BRINP1: variants seen among roughly 807,000 people sequenced by gnomAD.
BRINP1 encodes the protein BMP/retinoic acid inducible neural specific 1.
Under a neutral mutation model 72.9 loss-of-function variants are expected in BRINP1, and 17 were observed. That is an observed-to-expected ratio of 0.23 (90% CI 0.16 to 0.35). The LOEUF (loss-of-function observed/expected upper bound fraction) is 0.35, where lower values mean the gene tolerates loss of function less well. Ranked by LOEUF, BRINP1 falls within the 10% of genes least tolerant of loss-of-function variation. The pLI, the probability that BRINP1 is intolerant of heterozygous loss-of-function variation, is 1.00. For synonymous variants in BRINP1, 418 were observed against 378.5 expected (o/e 1.10, Z -1.21); for missense variants, 850 against 1,001.6 (o/e 0.85, Z 2.04).
chr9:119,262,849 G>C (rs1331374551), intron 2 of BRINP1, among the ~76,000 whole-genome samples: 1 of 152,040 alleles, frequency 6.6e-6, no homozygotes, highest in Non-Finnish European at 1.5e-5. Flanking sequence ...CTTTTACTTA[G>C]ACTTGAAACA....
At chr9:119,302,383 T>C (rs1333655463) in intron 2 of BRINP1, among the ~76,000 whole-genome samples, 6 of 152,196 alleles carry the variant, frequency 3.9e-5, no homozygotes, top group African/African-American at 1.2e-4. Flanking sequence ...TAGATTTTCA[T>C]GTATTGTTTT....
chr9:119,319,803 G>T (rs1831165625), intron 1 of BRINP1, among the ~76,000 whole-genome samples: 1 of 152,162 alleles, frequency 6.6e-6, no homozygotes, highest in Non-Finnish European at 1.5e-5. Flanking sequence ...TCAGACTTGG[G>T]ATTCTAACCT....
At chr9:119,326,137 G>A (rs895237277) in intron 1 of BRINP1, among the ~76,000 whole-genome samples, 1 of 152,088 alleles carries the variant, frequency 6.6e-6, no homozygotes, top group Non-Finnish European at 1.5e-5. Context: ...TTTGATTTTT[G>A]CAGATGATAA....
At chr9:119,280,839 A>G (rs1225924198) in intron 2 of BRINP1, among the ~76,000 whole-genome samples, 1 of 152,218 alleles carries the variant, frequency 6.6e-6, no homozygotes, top group Non-Finnish European at 1.5e-5. Flanking sequence ...ACAGCAAGTG[A>G]GATTTATTTA....
chr9:119,333,017 G>A (rs964975962), intron 1 of BRINP1, among the ~76,000 whole-genome samples: 1 of 152,062 alleles, frequency 6.6e-6, no homozygotes, highest in African/African-American at 2.4e-5. Flanking sequence ...AATAGTAAGA[G>A]CCAAAGTTGG....
chr9:119,251,950 C>G (rs1452181548), intron 2 of BRINP1, among the ~76,000 whole-genome samples: 1 of 152,146 alleles, frequency 6.6e-6, no homozygotes, highest in African/African-American at 2.4e-5. Context: ...TGTTCTCTCT[C>G]TGTGTGTCTC....
chr9:119,318,856 T>G (rs943121045), intron 1 of BRINP1, among the ~76,000 whole-genome samples: 1 of 150,984 alleles, frequency 6.6e-6, no homozygotes, highest in Non-Finnish European at 1.5e-5. Flanking sequence ...TGTGTGTGTG[T>G]GTGTGTGTGT....
intron 7 of BRINP1, among the ~76,000 whole-genome samples, chr9:119,172,433 A>C (rs1320904633): frequency 6.6e-6 from 1 of 152,146 alleles, no homozygotes; most frequent in Admixed American, 6.5e-5. Flanking sequence ...TAAACCAGGA[A>C]GAAGTTGAAT....
chr9:119,355,686 A>T (rs369284654), intron 1 of BRINP1, among the ~76,000 whole-genome samples: 2 of 149,060 alleles, frequency 1.3e-5, no homozygotes, highest in Non-Finnish European at 3.0e-5. Context: ...CTGAGATCGC[A>T]CCACTGCACT....
At chr9:119,334,990 G>A (rs1180841880) in intron 1 of BRINP1, among the ~76,000 whole-genome samples, 1 of 152,156 alleles carries the variant, frequency 6.6e-6, no homozygotes, top group Non-Finnish European at 1.5e-5. Flanking sequence ...TACTGTGGGA[G>A]CTCAGCAGGG....
At chr9:119,180,511 GTGTGTT>G (rs1829544345) in intron 7 of BRINP1, among the ~76,000 whole-genome samples, 1 of 144,888 alleles carries the variant, frequency 6.9e-6, no homozygotes, top group African/African-American at 2.7e-5. Context: ...GTGTGTGTGT[GTGTGTT>G]AAAGAAGTGG....
intron 2 of BRINP1, among the ~76,000 whole-genome samples, chr9:119,287,403 G>C (rs1214439729): frequency 6.6e-6 from 1 of 152,082 alleles, no homozygotes; most frequent in Non-Finnish European, 1.5e-5. Flanking sequence ...TGTGTTATCT[G>C]GGACAAGTTT....
intron 2 of BRINP1, among the ~76,000 whole-genome samples, chr9:119,264,676 T>C (rs936044790): frequency 3.9e-5 from 6 of 152,196 alleles, no homozygotes; most frequent in African/African-American, 1.2e-4. Flanking sequence ...GTAGCCCTGA[T>C]GTTTTTTTGT....
Position 119,167,361 on chromosome 9 carries a change from C to T in BRINP1, c.2009G>A (p.Arg670His), listed in dbSNP as rs145481722. 273 of 1,613,942 alleles carry T rather than the reference C, an allele frequency of 1.7e-4. No homozygotes were observed. The highest frequency in any genetic ancestry group is 2.0e-4 in the Non-Finnish European group (241 of 1,180,006). Residue 670 changes from arginine (R) to histidine (H), a missense_variant, in exon 8 of 8, where the codon CGC (arginine) becomes CAC (histidine). Coordinates refer to ENST00000265922, the MANE Select transcript of BRINP1 (RefSeq NM_014618.3). This position sits in a 1 kb window ranked among gnomAD's most constrained non-coding sequence, Gnocchi z 4.3. ...YSLRFNADLL[R>H]SAVQQVNQSY... ...CTGGTTGACCTGCTGCACTGCACTGCGCAGGAGGTCGGCGTTGAACCTCAG... is the reference window on the plus strand; with the variant it reads ...CTGGTTGACCTGCTGCACTGCACTGTGCAGGAGGTCGGCGTTGAACCTCAG...
chr9:119,222,674 G>A (rs1830051572), intron 5 of BRINP1, among the ~76,000 whole-genome samples: 1 of 152,012 alleles, frequency 6.6e-6, no homozygotes, highest in African/African-American at 2.4e-5. Context: ...ACCTTGTAGT[G>A]AGGGAGATAA....
intron 1 of BRINP1, among the ~76,000 whole-genome samples, chr9:119,331,887 C>T (rs1362909156): frequency 2.0e-5 from 3 of 152,180 alleles, no homozygotes; most frequent in Non-Finnish European, 4.4e-5. Flanking sequence ...TCATAAATCT[C>T]TCTAGTAAGA....
rs920871672 is a variant in BRINP1, at chr9:119,216,308, A to G, written c.686-2153T>C. Among the ~76,000 whole-genome samples, 11 of 152,286 alleles carry G rather than the reference A, an allele frequency of 7.2e-5. No homozygotes were observed. The South Asian group carries it at 1.9e-3, about 26-fold the overall frequency. On this transcript the variant is annotated intron_variant, in intron 5 of 7. Transcript: ENST00000265922. ...GAGAAAGGTGTATATGTCAATATGC[A>G]TGGAAGGGATTCTAGCAGATTAAGC... is the stretch of plus-strand genomic sequence containing the variant.
chr9:119,302,629 C>T (rs1192075620), intron 2 of BRINP1, among the ~76,000 whole-genome samples: 1 of 152,126 alleles, frequency 6.6e-6, no homozygotes, highest in Non-Finnish European at 1.5e-5. Context: ...CCTGACCTCA[C>T]TATTGAATTT....
intron 1 of BRINP1, among the ~76,000 whole-genome samples, chr9:119,362,278 G>C (rs556266538): frequency 5.3e-5 from 8 of 152,146 alleles, no homozygotes; most frequent in Non-Finnish European, 1.2e-4. Flanking sequence ...GGTACCCTGA[G>C]TCCCTGTGCT....
Sources: gnomAD v4.1 joint callset for allele counts (sites outside exome capture counted in the v4.1 genomes callset) on GRCh38, gnomAD v4.1.1 for gene constraint, Gnocchi (gnomAD v3.1) non-coding constraint, MANE v1.5 for transcripts, NCBI Gene and HGNC (gene_info 2026-07-23, HGNC 2026-07-21) for gene names.